MBD5: variants seen among roughly 807,000 people sequenced by gnomAD.
MBD5 encodes the protein methyl-CpG binding domain protein 5, also known as methyl-CpG-binding domain protein 5.
A neutral mutation model predicts 117.3 loss-of-function variants in MBD5; 13 were observed. That is an observed-to-expected ratio of 0.11 (90% CI 0.07 to 0.18). The LOEUF is 0.18. Among genes scored for constraint, MBD5 ranks in the 10% least tolerant of loss-of-function variants. MBD5 has a pLI of 1.00. For missense variants in MBD5, 1,879 were observed against 2,093.8 expected, an observed-to-expected ratio of 0.90 and a Z score of 2.00; for synonymous variants, 727 against 766.4, an observed-to-expected ratio of 0.95 and a Z score of 0.85.
chr2:148,253,725 A>G (rs1409476356), intron 3 of MBD5, among the ~76,000 whole-genome samples: 3 of 152,174 alleles, frequency 2.0e-5, no homozygotes, highest in Non-Finnish European at 2.9e-5. Context: ...AATTGTAGAC[A>G]GTTTCAACAT....
intron 2 of MBD5, among the ~76,000 whole-genome samples, chr2:148,195,841 G>A (rs1455306394): frequency 2.0e-5 from 3 of 152,176 alleles, no homozygotes; most frequent in African/African-American, 4.8e-5. Flanking sequence ...ATCTTGAACT[G>A]AATTGTGATG....
intron 2 of MBD5, among the ~76,000 whole-genome samples, chr2:148,213,675 G>A (rs1301262407): frequency 6.6e-6 from 1 of 152,048 alleles, no homozygotes; most frequent in African/African-American, 2.4e-5. Context: ...TTTTGGATTT[G>A]ATCATCACCA....
intron 3 of MBD5, among the ~76,000 whole-genome samples, chr2:148,330,267 C>T (rs1256263288): frequency 6.6e-6 from 1 of 152,042 alleles, no homozygotes; most frequent in East Asian, 1.9e-4. Flanking sequence ...ATCATTGGCC[C>T]TGATTTGGCT....
chr2:148,177,815 G>A (rs1242683100), intron 1 of MBD5, among the ~76,000 whole-genome samples: 4 of 152,118 alleles, frequency 2.6e-5, no homozygotes, highest in South Asian at 2.1e-4. Flanking sequence ...CTGAAAAACC[G>A]ACATCTGCAC....
intron 1 of MBD5, among the ~76,000 whole-genome samples, chr2:148,147,174 C>G (rs998501504): frequency 2.0e-5 from 3 of 151,876 alleles, no homozygotes; most frequent in African/African-American, 7.3e-5. Flanking sequence ...ATAAGCCACA[C>G]TTTCCTTTTT....
intron 4 of MBD5, among the ~76,000 whole-genome samples, chr2:148,398,262 C>T (rs575245630): frequency 9.2e-5 from 14 of 152,238 alleles, no homozygotes; most frequent in South Asian, 2.1e-4. Flanking sequence ...TAGTTTACAG[C>T]CCCACCAACA....
rs1681454480 is a variant in MBD5, at chr2:148,489,627, G to T, written c.3995G>T (p.Gly1332Val). The T allele has an allele frequency of 6.2e-7, 1 of 1,614,026 alleles. No individual in the cohort carries two copies. The highest frequency in any genetic ancestry group is 1.3e-5 in the African/African-American group (1 of 74,904). The change falls in exon 11 of 14, where the codon GGA (glycine) becomes GTA (valine). Residue 1332 changes from glycine (G) to valine (V), a missense_variant. By Grantham distance (109) the Gly-to-Val change is moderately radical. Coordinates refer to ENST00000642680, the MANE Select transcript of MBD5 (RefSeq NM_001378120.1). Reference protein sequence around the residue: ...YKAVVDAASKGMQVVITTAVN... With the variant: ...YKAVVDAASKVMQVVITTAVN... ...GCAGTTGTCGATGCAGCCAGCAAAG[G>T]AATGCAGGTTGTCATCACCACTGCA... is the stretch of plus-strand genomic sequence containing the variant.
chr2:148,054,998 A>G (rs1250907996), intron 1 of MBD5: 1 of 152,072 alleles, frequency 6.6e-6, no homozygotes, highest in Non-Finnish European at 1.5e-5. Flanking sequence ...TATAATTTTA[A>G]TTTACAGTTC....
At chr2:148,370,035 C>T (rs1224390829) in intron 4 of MBD5, among the ~76,000 whole-genome samples, 1 of 152,114 alleles carries the variant, frequency 6.6e-6, no homozygotes, top group Non-Finnish European at 1.5e-5. Context: ...CATCCAGGAA[C>T]ATTTTTCTTC....
intron 2 of MBD5, among the ~76,000 whole-genome samples, chr2:148,224,622 A>G (rs908977436): frequency 6.8e-6 from 1 of 147,918 alleles, no homozygotes; most frequent in African/African-American, 2.5e-5. Flanking sequence ...TGGCCTCCCA[A>G]AGTGCTAGGA....
At chr2:148,380,401 A>T (rs1396045693) in intron 4 of MBD5, among the ~76,000 whole-genome samples, 2 of 152,220 alleles carry the variant, frequency 1.3e-5, no homozygotes, top group Non-Finnish European at 2.9e-5. Flanking sequence ...AGCAAATTTC[A>T]AAGAATTGTT....
At chr2:148,171,409 A>G (rs1698259480) in intron 1 of MBD5, among the ~76,000 whole-genome samples, 1 of 152,236 alleles carries the variant, frequency 6.6e-6, no homozygotes, top group African/African-American at 2.4e-5. Context: ...AAGAAAAAAT[A>G]CTTGACAAAA....
At chr2:148,430,649 G>A (rs1229435019) in intron 4 of MBD5, among the ~76,000 whole-genome samples, 1 of 151,526 alleles carries the variant, frequency 6.6e-6, no homozygotes, top group African/African-American at 2.4e-5. Flanking sequence ...GCTATTGTTA[G>A]GTATATTTAT....
intron 4 of MBD5, among the ~76,000 whole-genome samples, chr2:148,426,741 G>C (rs1012653223): frequency 6.6e-6 from 1 of 152,084 alleles, no homozygotes; most frequent in African/African-American, 2.4e-5. Context: ...ATAGACATGG[G>C]CAAGGACTTC....
intron 3 of MBD5, among the ~76,000 whole-genome samples, chr2:148,324,171 C>T (rs575646476): frequency 6.6e-4 from 100 of 152,148 alleles, no homozygotes; most frequent in African/African-American, 2.4e-3. Flanking sequence ...GGCGTTATTT[C>T]TGAGGGCTCT....
chr2:148,235,897 C>G (rs183926580), intron 3 of MBD5, among the ~76,000 whole-genome samples: 5 of 152,208 alleles, frequency 3.3e-5, no homozygotes, highest in Non-Finnish European at 7.4e-5. Flanking sequence ...TTCCTGGACT[C>G]AAGTGATTCT....
chr2:148,231,643 A>G (rs1254715004), intron 2 of MBD5, among the ~76,000 whole-genome samples: 1 of 152,110 alleles, frequency 6.6e-6, no homozygotes, highest in African/African-American at 2.4e-5. Flanking sequence ...TTCAAGTTAT[A>G]GTCTTTAAAA....
intron 4 of MBD5, among the ~76,000 whole-genome samples, chr2:148,344,129 T>C (rs1314860322): frequency 6.6e-6 from 1 of 152,092 alleles, no homozygotes; most frequent in African/African-American, 2.4e-5. Flanking sequence ...GCTGTAGGTG[T>C]GTGACTTTAT....
intron 1 of MBD5, among the ~76,000 whole-genome samples, chr2:148,075,317 C>T (rs1695480139): frequency 6.6e-6 from 1 of 152,146 alleles, no homozygotes; most frequent in African/African-American, 2.4e-5. Context: ...CTGTTTGAAA[C>T]CAGAATGAGG....
Sources: gnomAD v4.1 joint callset for allele counts (sites outside exome capture counted in the v4.1 genomes callset) on GRCh38, gnomAD v4.1.1 for gene constraint, MANE v1.5 for transcripts, NCBI Gene and HGNC (gene_info 2026-07-23, HGNC 2026-07-21) for gene names.